ZNF316: variants seen among roughly 807,000 people sequenced by gnomAD.
ZNF316 encodes the protein zinc finger protein 316.
In ZNF316, 23 loss-of-function variants were observed where a neutral mutation model predicts 75.6. That is an observed-to-expected ratio of 0.30 (90% CI 0.22 to 0.43). ZNF316 has a LOEUF of 0.43. ZNF316 is among the 20% of genes least tolerant of loss of function. ZNF316 has a pLI of 1.00. For missense variants in ZNF316, 1,266 were observed against 1,409.4 expected (o/e 0.90, Z 1.63); for synonymous variants, 827 against 666.2 (o/e 1.24, Z -3.72).
At position 6,639,304 on chromosome 7, in the gene ZNF316, C is replaced by T. The variant is rs985000226; in HGVS notation, c.-167+163C>T. 6.6e-6 allele frequency among the ~76,000 whole-genome samples: 1 copy of T among 152,172 alleles called. No individual in the cohort carries two copies. The highest frequency in any genetic ancestry group is 2.4e-5 in the African/African-American group (1 of 41,432). ...TCTTTTAGTAAGTATTTGAATGCTT[C>T]TTAAGTGCTGGTGTGAGGGGTATTC... On this transcript the variant is annotated intron_variant, in intron 3 of 8. Coordinates refer to ENST00000382252, the MANE Select transcript of ZNF316 (RefSeq NM_001278559.2). The surrounding 1 kb of genome is among the most constrained non-coding windows in gnomAD (Gnocchi z 4.2).
At position 6,656,689 on chromosome 7, in the gene ZNF316, T is replaced by C. The variant is rs1343766679; in HGVS notation, c.*2078T>C. Among the ~76,000 whole-genome samples, 1 of 152,140 alleles carries C rather than the reference T, an allele frequency of 6.6e-6. No homozygotes were observed. The highest frequency in any genetic ancestry group is 1.5e-5 in the Non-Finnish European group (1 of 68,024). ...TAGTGTAAACACCTGACTTGGGGCA[T>C]TACTTTTTGTGAATATGTTGGCCAG... On this transcript the variant is annotated 3_prime_UTR_variant, in exon 9 of 9. Coordinates refer to ENST00000382252, the MANE Select transcript of ZNF316 (RefSeq NM_001278559.2).
At chr7:6,649,586 T>TC (rs1263891093) in intron 8 of ZNF316, among the ~76,000 whole-genome samples, 1 of 152,194 alleles carries the variant, frequency 6.6e-6, no homozygotes, top group East Asian at 1.9e-4. Flanking sequence ...CCCGTGGACT[T>TC]CGACAGAGCC....
Position 6,652,366 on chromosome 7 carries a change from C to A in ZNF316, c.770C>A (p.Ala257Glu). 1 of 1,232,346 alleles carries A rather than the reference C, an allele frequency of 8.1e-7. No individual in the cohort carries two copies. The highest frequency in any genetic ancestry group is 1.0e-6 in the Non-Finnish European group (1 of 988,084). The allele number at this position is 1,232,346 out of a possible 1,614,324, so 76.3% of individuals were successfully genotyped here. The change falls in exon 9 of 9, where the codon GCG becomes GAG. Residue 257 changes from alanine (A) to glutamate (E), a missense_variant. Around this residue, in one of 3 missense-constraint regions of ZNF316, gnomAD observed 961 missense variants for 990.9 expected, o/e 0.97. Transcript: ENST00000382252. ...GAGGAAGACGACGAGGACTTCCTGG[C>A]GGAGGTGGCCGAGGAGGAGAACGAG... is the stretch of plus-strand genomic sequence containing the variant. ...HEEEDDEDFL[A>E]EVAEEENEPP...
intron 7 of ZNF316, 77 bp downstream of exon 7, chr7:6,644,025 C>G (rs1045283684): frequency 1.6e-6 from 2 of 1,220,104 alleles, no homozygotes; most frequent in African/African-American, 1.6e-5. Flanking sequence ...TGACGGGGCG[C>G]TTTTCAAATC....
In ZNF316 at chr7:6,653,864, C is replaced by T. The variant is rs963525039; in HGVS notation, c.2268C>T (p.Phe756=). The change falls in exon 9 of 9, where the codon TTC becomes TTT. Residue 756 remains phenylalanine (F), a synonymous_variant. Coordinates refer to ENST00000382252, the MANE Select transcript of ZNF316 (RefSeq NM_001278559.2). ...CGTGCCCCGAGTGCGGCGCGCGGTT[C>T]GCCCGCGGCTCGCACTTGGCGGCGC... The part of the protein sequence containing the change: ...PFPCPECGAR[F]ARGSHLAAHV... 6.3e-5 allele frequency: 68 copies of T among 1,082,874 alleles called. No individual in the cohort carries two copies. In the African/African-American group the frequency reaches 1.0e-3, roughly 16 times the overall value. The allele number at this position is 1,082,874 out of a possible 1,614,324, so 67.1% of individuals were successfully genotyped here.
chr7:6,642,082 C>T lies in ZNF316; in HGVS notation c.-29+120C>T, dbSNP rs1025888963. 7 of 258,172 alleles carry T rather than the reference C, an allele frequency of 2.7e-5. No homozygotes were observed. Among genetic ancestry groups the T allele is most frequent in the African/African-American group, 1.5e-4 (7 of 45,232 alleles). The allele number at this position is 258,172 out of a possible 1,614,324, so 16.0% of individuals were successfully genotyped here. A position where few individuals can be genotyped will look rare whatever the true frequency, so the allele number is the denominator to read the frequency against. ...GACTGGGATAAATGCCTGATTTACT[C>T]CAGGAAAGAGCAGCAGTTCACACCA... On this transcript the variant is annotated intron_variant, in intron 4 of 8. Coordinates refer to ENST00000382252, the MANE Select transcript of ZNF316 (RefSeq NM_001278559.2). This position sits in a 1 kb window ranked among gnomAD's most constrained non-coding sequence, Gnocchi z 8.1.
rs1026187108 is a variant in ZNF316, at chr7:6,637,649, G to C, written c.-430-197G>C. On this transcript the variant is annotated intron_variant, in intron 1 of 8. Transcript: ENST00000382252. This position sits in a 1 kb window ranked among gnomAD's most constrained non-coding sequence, Gnocchi z 6.2. The stretch of plus-strand genomic sequence containing the variant: ...TAGGGACTTCCGCGGCAGCGCCCCC[G>C]CCTCCCGGACCCCCGTCCGGGCCTG... Among the ~76,000 whole-genome samples, 1 of 150,648 alleles carries C rather than the reference G, an allele frequency of 6.6e-6. No homozygotes were observed. Among genetic ancestry groups the C allele is most frequent in the African/African-American group, 2.4e-5 (1 of 41,206 alleles).
chr7:6,638,679 A>T (rs572446133), intron 2 of ZNF316, among the ~76,000 whole-genome samples: 1 of 152,236 alleles, frequency 6.6e-6, no homozygotes, highest in South Asian at 2.1e-4. Context: ...TCACGCCTGT[A>T]ATCCCAGCAC....
chr7:6,638,775 G>A (rs1779263435), intron 2 of ZNF316, among the ~76,000 whole-genome samples: 1 of 152,174 alleles, frequency 6.6e-6, no homozygotes, highest in Admixed American at 6.5e-5. Context: ...GCTCCCTGTG[G>A]CCTCTGGTTT....
intron 8 of ZNF316, among the ~76,000 whole-genome samples, chr7:6,650,894 G>A (rs768151398): frequency 1.7e-4 from 26 of 152,302 alleles, no homozygotes; most frequent in East Asian, 3.9e-4. Flanking sequence ...TCCTGGGTGC[G>A]TCACGATGTC....
At position 6,639,548 on chromosome 7, in the gene ZNF316, G is replaced by A. The variant is rs1779277403; in HGVS notation, c.-167+407G>A. On this transcript the variant is annotated intron_variant, in intron 3 of 8. Transcript: ENST00000382252. This position sits in a 1 kb window ranked among gnomAD's most constrained non-coding sequence, Gnocchi z 4.2. ...TGGGGATGGGGAATAACACACACAC[G>A]GCCTGAGATGAGATGAACATGCAGC... Among the ~76,000 whole-genome samples, 2 of 152,180 alleles carry A rather than the reference G, an allele frequency of 1.3e-5. No homozygotes were observed. The highest frequency in any genetic ancestry group is 2.1e-4 in the South Asian group (1 of 4,830).
At chr7:6,651,112 G>A (rs1779499944) in intron 8 of ZNF316, among the ~76,000 whole-genome samples, 1 of 152,160 alleles carries the variant, frequency 6.6e-6, no homozygotes, top group East Asian at 1.9e-4. Context: ...CACTTTGGGA[G>A]GCCAAGGTGG....
chr7:6,646,606 C>G (rs993556841), intron 8 of ZNF316, among the ~76,000 whole-genome samples: 1 of 151,982 alleles, frequency 6.6e-6, no homozygotes, highest in African/African-American at 2.4e-5. Flanking sequence ...GCTGGCAGGC[C>G]TGGGATGCCC....
chr7:6,655,669 A>G lies in ZNF316; in HGVS notation c.*1058A>G, dbSNP rs1404029718. On this transcript the variant is annotated 3_prime_UTR_variant, in exon 9 of 9. Transcript: ENST00000382252. ...CCTAGGACACTCGCAGGTCCCTTTA[A>G]CTCTGCTTCTGTCATTACACTAGAA... 4 of 152,020 alleles carry G rather than the reference A, an allele frequency of 2.6e-5. No homozygotes were observed. The highest frequency in any genetic ancestry group is 4.4e-5 in the Non-Finnish European group (3 of 68,000). The allele number at this position is 152,020 out of a possible 1,614,324, so 9.4% of individuals were successfully genotyped here. A position where few individuals can be genotyped will look rare whatever the true frequency, so the allele number is the denominator to read the frequency against.
At chr7:6,646,381 G>A (rs1027627420) in intron 8 of ZNF316, among the ~76,000 whole-genome samples, 6 of 152,184 alleles carry the variant, frequency 3.9e-5, no homozygotes, top group African/African-American at 9.7e-5. Context: ...TGCGGGGCCC[G>A]TCCCTCAGCG....
chr7:6,651,758 T>G (rs984890027), intron 8 of ZNF316, among the ~76,000 whole-genome samples: 1 of 152,136 alleles, frequency 6.6e-6, no homozygotes, highest in Non-Finnish European at 1.5e-5. Context: ...GTGAGACTCT[T>G]GTCTCAAAAC....
chr7:6,643,020 G>A lies in ZNF316; in HGVS notation c.412G>A (p.Glu138Lys). ...TPRDEDLEEEEEEEEDEDEDD... is the reference protein window; with the variant it reads ...TPRDEDLEEEKEEEEDEDEDD... ...TAGGGATGAGGACCTGGAGGAGGAG[G>A]AAGAGGAGGAGGAGGATGAGGACGA... Residue 138 changes from glutamate to lysine, a missense_variant, in exon 6 of 9, where the codon GAA becomes AAA. By Grantham distance (56) the Glu-to-Lys change is moderately conservative. Coordinates refer to ENST00000382252, the MANE Select transcript of ZNF316 (RefSeq NM_001278559.2). The A allele has an allele frequency of 5.6e-6, 7 of 1,240,328 alleles. No homozygotes were observed. The highest frequency in any genetic ancestry group is 7.0e-6 in the Non-Finnish European group (7 of 993,104). The allele number at this position is 1,240,328 out of a possible 1,614,324, so 76.8% of individuals were successfully genotyped here.
chr7:6,653,181 G>C lies in ZNF316; in HGVS notation c.1585G>C (p.Gly529Arg). The C allele has an allele frequency of 8.3e-7, 1 of 1,211,326 alleles. No individual in the cohort carries two copies. Among genetic ancestry groups the C allele is most frequent in the Admixed American group, 4.4e-5 (1 of 22,898 alleles). 75.0% of individuals were successfully genotyped at this position (1,211,326 alleles called of 1,614,324 possible). A position where few individuals can be genotyped will look rare whatever the true frequency, so the allele number is the denominator to read the frequency against. ...REPGETAAAAGPEDTDPGPEG... is the reference protein window; with the variant it reads ...REPGETAAAARPEDTDPGPEG... ...GCCCGGCGAGACGGCGGCCGCCGCG[G>C]GGCCCGAGGACACGGACCCTGGGCC... The change falls in exon 9 of 9, where the codon GGG (glycine) becomes CGG (arginine). Residue 529 changes from glycine (G) to arginine (R), a missense_variant. Physicochemically the swap from Gly to Arg is moderately radical, Grantham distance 125. Around this residue, in one of 3 missense-constraint regions of ZNF316, gnomAD observed 961 missense variants for 990.9 expected, o/e 0.97. Transcript: ENST00000382252.
In ZNF316 at chr7:6,639,003, G is replaced by A. The variant is rs368209774; in HGVS notation, c.-266-39G>A. The A allele has an allele frequency of 6.6e-6, 1 of 152,312 alleles. No homozygotes were observed. Among genetic ancestry groups the A allele is most frequent in the Non-Finnish European group, 1.5e-5 (1 of 68,108 alleles). The allele number at this position is 152,312 out of a possible 1,614,324, so 9.4% of individuals were successfully genotyped here. A position where few individuals can be genotyped will look rare whatever the true frequency, so the allele number is the denominator to read the frequency against. On this transcript the variant is annotated intron_variant, in intron 2 of 8. Coordinates refer to ENST00000382252, the MANE Select transcript of ZNF316 (RefSeq NM_001278559.2). This position sits in a 1 kb window ranked among gnomAD's most constrained non-coding sequence, Gnocchi z 4.2. Reference sequence around the variant, plus strand: ...CAAACCATTATGTTCTGAATCTTGGGTTGGGGACGATGTCTGGCTGTGCTT... The same window carrying A: ...CAAACCATTATGTTCTGAATCTTGGATTGGGGACGATGTCTGGCTGTGCTT...
Sources: gnomAD v4.1 joint callset for allele counts (sites outside exome capture counted in the v4.1 genomes callset) on GRCh38, gnomAD v4.1.1 for gene constraint, gnomAD v4.1.1 regional missense constraint, Gnocchi (gnomAD v3.1) non-coding constraint, MANE v1.5 for transcripts, NCBI Gene and HGNC (gene_info 2026-07-23, HGNC 2026-07-21) for gene names.